SUPT3H: variants seen among roughly 807,000 people sequenced by gnomAD.
SUPT3H encodes transcription initiation protein SPT3 homolog.
A neutral mutation model predicts 44.3 loss-of-function variants in SUPT3H; 44 were observed. That is an observed-to-expected ratio of 0.99 (90% confidence interval 0.78 to 1.28). The LOEUF (loss-of-function observed/expected upper bound fraction) is 1.28. Ranked by LOEUF, SUPT3H falls within the 50% of genes most tolerant of loss-of-function variation. The pLI is 0.00. For missense variants in SUPT3H, 380 were observed against 387.1 expected (o/e 0.98, Z 0.15); for synonymous variants, 124 against 125.6 (o/e 0.99, Z 0.09).
At chr6:45,345,041 C>T (rs1346742158) in intron 2 of SUPT3H, among the ~76,000 whole-genome samples, 1 of 152,136 alleles carries the variant, frequency 6.6e-6, no homozygotes, top group Non-Finnish European at 1.5e-5. Flanking sequence ...AAAGGCTGTA[C>T]ATTAAAACGT....
chr6:44,895,251 CTTG>C (rs1446297181), intron 10 of SUPT3H, among the ~76,000 whole-genome samples: 2 of 99,220 alleles, frequency 2.0e-5, no homozygotes, highest in South Asian at 4.0e-4. Flanking sequence ...ATCACTTAGT[CTTG>C]TTTTTTTTTT....
At chr6:45,061,893 G>GTTTTT (rs34656186) in intron 3 of SUPT3H, among the ~76,000 whole-genome samples, 1 of 93,552 alleles carries the variant, frequency 1.1e-5, no homozygotes. Context: ...TCCATAAGCT[G>GTTTTT]TTTTTTTTTT....
chr6:45,354,231 A>G (rs976221256), intron 2 of SUPT3H, among the ~76,000 whole-genome samples: 2 of 152,202 alleles, frequency 1.3e-5, no homozygotes, highest in African/African-American at 4.8e-5. Flanking sequence ...AAAACTGGAC[A>G]AAACCTAATT....
chr6:45,350,580 T>C (rs1181521847), intron 2 of SUPT3H, among the ~76,000 whole-genome samples: 2 of 151,884 alleles, frequency 1.3e-5, no homozygotes, highest in Non-Finnish European at 2.9e-5. Context: ...ATGTTGAGAG[T>C]AGAAATGAGA....
chr6:45,075,411 C>A (rs1038994596), intron 3 of SUPT3H, among the ~76,000 whole-genome samples: 1 of 152,068 alleles, frequency 6.6e-6, no homozygotes, highest in African/African-American at 2.4e-5. Context: ...TTAGGTTTCT[C>A]CAGACTAGAA....
At chr6:45,226,570 G>A (rs1226893511) in intron 2 of SUPT3H, among the ~76,000 whole-genome samples, 1 of 151,992 alleles carries the variant, frequency 6.6e-6, no homozygotes, top group Non-Finnish European at 1.5e-5. Flanking sequence ...TTTTTGAGAC[G>A]GAGTCTTGCT....
intron 6 of SUPT3H, among the ~76,000 whole-genome samples, chr6:44,990,044 T>G (rs1780384814): frequency 6.6e-6 from 1 of 152,178 alleles, no homozygotes; most frequent in Admixed American, 6.6e-5. Flanking sequence ...TCATGAGCTT[T>G]TGGTGTGATA....
chr6:44,893,792 G>A (rs1398550403), intron 10 of SUPT3H, among the ~76,000 whole-genome samples: 13 of 142,462 alleles, frequency 9.1e-5, no homozygotes, highest in South Asian at 4.9e-4. Context: ...CTGAGGAATC[G>A]CCACACTGAC....
intron 2 of SUPT3H, among the ~76,000 whole-genome samples, chr6:45,317,684 A>G (rs987220985): frequency 6.6e-6 from 1 of 152,148 alleles, no homozygotes; most frequent in Non-Finnish European, 1.5e-5. Context: ...ATACACAAAA[A>G]TCAACTCAAA....
At chr6:45,169,849 G>A (rs929073501) in intron 2 of SUPT3H, among the ~76,000 whole-genome samples, 2 of 152,182 alleles carry the variant, frequency 1.3e-5, no homozygotes, top group African/African-American at 2.4e-5. Context: ...TATAAAATCA[G>A]TTAAGAGGAT....
At chr6:45,086,019 T>C (rs1376302820) in intron 3 of SUPT3H, among the ~76,000 whole-genome samples, 2 of 152,100 alleles carry the variant, frequency 1.3e-5, no homozygotes, top group Admixed American at 1.3e-4. Context: ...AAAATTACAT[T>C]TGGAAAGTCA....
intron 3 of SUPT3H, among the ~76,000 whole-genome samples, chr6:45,102,625 T>C (rs1159707315): frequency 6.6e-6 from 1 of 152,196 alleles, no homozygotes. Context: ...GAATTTAGAC[T>C]ATAAATACTT....
chr6:44,881,742 T>G (rs979334633), intron 10 of SUPT3H, among the ~76,000 whole-genome samples: 1 of 152,158 alleles, frequency 6.6e-6, no homozygotes, highest in African/African-American at 2.4e-5. Flanking sequence ...CACTAAAAAC[T>G]GCACAGCTAC....
intron 10 of SUPT3H, among the ~76,000 whole-genome samples, chr6:44,895,032 T>A (rs1763902998): frequency 6.6e-6 from 1 of 151,992 alleles, no homozygotes; most frequent in Non-Finnish European, 1.5e-5. Flanking sequence ...CATCCAGAAA[T>A]GGTAATAACC....
intron 9 of SUPT3H, among the ~76,000 whole-genome samples, chr6:44,949,843 T>C (rs1034564388): frequency 3.9e-5 from 6 of 152,324 alleles, no homozygotes; most frequent in Middle Eastern, 3.4e-3. Context: ...GGTGGAAGTA[T>C]AAAATGGTAC....
At chr6:44,825,777 C>A (rs768513221), downstream of SUPT3H, among the ~76,000 whole-genome samples, 1 of 152,006 alleles carries the variant, frequency 6.6e-6, no homozygotes, top group Non-Finnish European at 1.5e-5. Flanking sequence ...TCATCTTGAG[C>A]CTTGCCTCCT....
At chr6:45,125,077 A>C (rs75196288) in intron 2 of SUPT3H, among the ~76,000 whole-genome samples, 1 of 152,204 alleles carries the variant, frequency 6.6e-6, no homozygotes, top group Non-Finnish European at 1.5e-5. Flanking sequence ...TAGAGCCTTC[A>C]GAGAACAAGA....
At chr6:45,106,562 A>G (rs554740287) in intron 2 of SUPT3H, among the ~76,000 whole-genome samples, 1 of 151,908 alleles carries the variant, frequency 6.6e-6, no homozygotes, top group African/African-American at 2.4e-5. Flanking sequence ...TTTGAGACAG[A>G]GTCTCACCCT....
chr6:44,894,274 G>A (rs1561985260), intron 10 of SUPT3H, among the ~76,000 whole-genome samples: 1 of 151,206 alleles, frequency 6.6e-6, no homozygotes, highest in Non-Finnish European at 1.5e-5. Context: ...TGCTTTTGGT[G>A]TTTTAGACAT....
Sources: allele counts gnomAD v4.1 joint callset (sites outside exome capture counted in the v4.1 genomes callset), GRCh38; gene constraint gnomAD v4.1.1; transcripts MANE v1.5; gene names NCBI Gene and HGNC (gene_info 2026-07-23, HGNC 2026-07-21).